Variants in CDH13 observed in about 807,000 individuals in gnomAD.
The protein encoded by CDH13 is cadherin-13.
A neutral mutation model predicts 63.8 loss-of-function variants in CDH13; 24 were observed. The observed-to-expected ratio is 0.38, with a 90% CI of 0.27 to 0.53. The LOEUF is 0.53. Ranked by LOEUF, CDH13 falls within the 20% of genes least tolerant of loss-of-function variation. CDH13 has a pLI of 0.85. For synonymous variants in CDH13, 503 were observed against 355.3 expected (o/e 1.42, Z -4.67); for missense variants, 1,049 against 903.1 (o/e 1.16, Z -2.07).
chr16:83,074,465 C>T (rs2032676845), intron 3 of CDH13, among the ~76,000 whole-genome samples: 1 of 152,166 alleles, frequency 6.6e-6, no homozygotes, highest in Non-Finnish European at 1.5e-5. Context: ...CATTAGGGTG[C>T]ATGTATCCCT....
chr16:82,891,042 T>G (rs1026112423), intron 2 of CDH13, among the ~76,000 whole-genome samples: 2 of 63,342 alleles, frequency 3.2e-5, no homozygotes, highest in Non-Finnish European at 6.2e-5. Context: ...GGAGGGTTTT[T>G]TTTTTTTTTT....
At chr16:83,678,884 AT>A (rs1915176538) in intron 10 of CDH13, among the ~76,000 whole-genome samples, 1 of 152,208 alleles carries the variant, frequency 6.6e-6, no homozygotes, top group South Asian at 2.1e-4. Context: ...GGATTCGCAG[AT>A]TCGTAGAGGT....
chr16:82,842,147 TATATATATATATATATACAC>T (rs2039058260), intron 1 of CDH13, among the ~76,000 whole-genome samples: 1 of 21,418 alleles, frequency 4.7e-5, no homozygotes, highest in Admixed American at 5.4e-4. Flanking sequence ...TACACATATA[TATATATATATATATATACAC>T]ACACACACAT....
At chr16:82,851,684 T>TGTGTGTGTGCATGCACATGTGTGTAC (rs2039494578) in intron 1 of CDH13, among the ~76,000 whole-genome samples, 1 of 21,272 alleles carries the variant, frequency 4.7e-5, no homozygotes, top group Non-Finnish European at 1.2e-4. Context: ...TACGTGTGTG[T>TGTGTGTGTGCATGCACATGTGTGTAC]GTGTGTGTGT....
intron 1 of CDH13, among the ~76,000 whole-genome samples, chr16:82,845,490 G>C (rs2039217377): frequency 6.6e-6 from 1 of 152,180 alleles, no homozygotes. Context: ...TGAGGTATTG[G>C]CTGCAGCCAC....
chr16:82,779,070 G>C (rs768102029), intron 1 of CDH13, among the ~76,000 whole-genome samples: 50 of 152,150 alleles, frequency 3.3e-4, no homozygotes, highest in Non-Finnish European at 5.4e-4. Flanking sequence ...GTAAAGTTAG[G>C]GTGGGAGGGA....
chr16:83,089,736 G>C (rs2033801999), intron 3 of CDH13, among the ~76,000 whole-genome samples: 1 of 152,154 alleles, frequency 6.6e-6, no homozygotes, highest in African/African-American at 2.4e-5. Flanking sequence ...TTTGCTATAA[G>C]GGCTACACGT....
intron 7 of CDH13, among the ~76,000 whole-genome samples, chr16:83,522,419 C>T (rs909769197): frequency 6.6e-6 from 1 of 152,242 alleles, no homozygotes; most frequent in Non-Finnish European, 1.5e-5. Flanking sequence ...AGTTCCACAG[C>T]GCAATATGCA....
rs1411722001 is a variant in CDH13, at chr16:83,514,714, A to G, written c.960+28059A>G. On this transcript the variant is annotated intron_variant, in intron 7 of 13. Transcript: ENST00000567109. ...AGATCCAGGAGAGAAGGCCAAGTAAAGTTGGAGGCAGAGAGTGGGATGATG... is the reference window on the plus strand; with the variant it reads ...AGATCCAGGAGAGAAGGCCAAGTAAGGTTGGAGGCAGAGAGTGGGATGATG... 4.6e-5 allele frequency among the ~76,000 whole-genome samples: 7 copies of G among 152,306 alleles called. No homozygotes were observed. In the East Asian group the frequency reaches 1.4e-3, roughly 29 times the overall value.
At chr16:82,697,423 CTT>C (rs34376129) in intron 1 of CDH13, among the ~76,000 whole-genome samples, 2,066 of 54,816 alleles carry the variant, frequency 0.038, 17 homozygotes, top group Middle Eastern at 0.075. Context: ...TTTCTTTTTT[CTT>C]TTTTTTTTTT....
chr16:83,650,301 T>C (rs1598414080), intron 8 of CDH13, among the ~76,000 whole-genome samples: 1 of 152,250 alleles, frequency 6.6e-6, no homozygotes, highest in Non-Finnish European at 1.5e-5. Flanking sequence ...ACTACATCAA[T>C]AATTTTCATA....
chr16:83,318,562 A>C (rs2090154366), intron 5 of CDH13, among the ~76,000 whole-genome samples: 1 of 152,174 alleles, frequency 6.6e-6, no homozygotes, highest in African/African-American at 2.4e-5. Context: ...TCTGTTACTC[A>C]AAATTGGCCT....
At chr16:83,090,642 A>G (rs985115673) in intron 3 of CDH13, among the ~76,000 whole-genome samples, 10 of 151,626 alleles carry the variant, frequency 6.6e-5, no homozygotes, top group Non-Finnish European at 1.5e-4. Context: ...CAACATTCCT[A>G]GCCCAGGCTC....
At chr16:82,839,398 T>A (rs1991024) in intron 1 of CDH13, among the ~76,000 whole-genome samples, 39,367 of 152,114 alleles carry the variant, frequency 0.26, 5,452 homozygotes, top group Middle Eastern at 0.33. Flanking sequence ...TCTTGTCACA[T>A]AGCTCAATTT....
chr16:83,181,925 G>A (rs964366376), intron 4 of CDH13, among the ~76,000 whole-genome samples: 1 of 152,146 alleles, frequency 6.6e-6, no homozygotes, highest in Non-Finnish European at 1.5e-5. Flanking sequence ...ACAGGCGTCG[G>A]GCACAGAGAC....
At chr16:83,764,824 G>A (rs149049598) in intron 11 of CDH13, among the ~76,000 whole-genome samples, 1 of 152,050 alleles carries the variant, frequency 6.6e-6, no homozygotes, top group African/African-American at 2.4e-5. Flanking sequence ...TGAAGCCCTC[G>A]CAATGGCCTC....
At chr16:83,417,160 A>T (rs2071574667) in intron 6 of CDH13, among the ~76,000 whole-genome samples, 1 of 152,182 alleles carries the variant, frequency 6.6e-6, no homozygotes, top group African/African-American at 2.4e-5. Context: ...AGTTTCCCCA[A>T]GATCAAAGAG....
chr16:83,728,124 G>C (rs949185513), intron 10 of CDH13, among the ~76,000 whole-genome samples: 3 of 152,172 alleles, frequency 2.0e-5, no homozygotes, highest in Non-Finnish European at 4.4e-5. Context: ...TGCCTGGAAA[G>C]GGGGAACAGC....
chr16:83,258,295 T>C (rs750211168), intron 5 of CDH13, among the ~76,000 whole-genome samples: 4 of 152,234 alleles, frequency 2.6e-5, no homozygotes, highest in Non-Finnish European at 5.9e-5. Context: ...AGGTATATTC[T>C]ATGTGAAATT....
Sources: gnomAD v4.1 joint callset for allele counts (sites outside exome capture counted in the v4.1 genomes callset) on GRCh38, gnomAD v4.1.1 for gene constraint, MANE v1.5 for transcripts, NCBI Gene and HGNC (gene_info 2026-07-23, HGNC 2026-07-21) for gene names.